SCARF2: variants seen among roughly 807,000 people sequenced by gnomAD.
SCARF2 encodes the protein scavenger receptor class F member 2, also known as scavenger receptor expressed by endothelial cells 2 protein.
A neutral mutation model predicts 73.4 loss-of-function variants in SCARF2; 39 were observed. The ratio of observed to expected loss-of-function variants is 0.53; its 90% CI spans 0.41 to 0.69. SCARF2 has a LOEUF of 0.69. SCARF2 is among the 30% of genes least tolerant of loss of function. The pLI is 0.00. For synonymous variants in SCARF2, 605 were observed against 590.0 expected, an observed-to-expected ratio of 1.03 and a Z score of -0.37; for missense variants, 1,148 against 1,303.5, an observed-to-expected ratio of 0.88 and a Z score of 1.84.
At position 20,425,786 on chromosome 22, in the gene SCARF2, C is replaced by T; in HGVS notation, c.2190G>A (p.Ala730=). The stretch of plus-strand genomic sequence containing the variant: ...GCGGCGAGGGCGCAGCGAGGGCTGT[C>T]GCCTCCTCGGGCAGCCCGGGGGGCC... The part of the protein sequence containing the change: ...TPRPPGLPEE[A]TALAAPSPPR... The change falls in exon 11 of 11, where the codon GCG becomes GCA. Residue 730 remains alanine (A), a synonymous_variant. Transcript: ENST00000622235. This position sits in a 1 kb window ranked among gnomAD's most constrained non-coding sequence, Gnocchi z 4.6. 1 of 1,432,478 alleles carries T rather than the reference C, an allele frequency of 7.0e-7. No individual in the cohort carries two copies. Among genetic ancestry groups the T allele is most frequent in the Non-Finnish European group, 9.1e-7 (1 of 1,096,640 alleles). 88.7% of individuals were successfully genotyped at this position (1,432,478 alleles called of 1,614,324 possible).
rs1352044854 is a variant in SCARF2, at chr22:20,425,872, T to A, written c.2104A>T (p.Ser702Cys). The change falls in exon 11 of 11, where the codon AGC becomes TGC. Residue 702 changes from serine to cysteine, a missense_variant. Ser to Cys is a moderately radical substitution (Grantham distance 112). Transcript: ENST00000622235. This position sits in a 1 kb window ranked among gnomAD's most constrained non-coding sequence, Gnocchi z 4.6. ...PSPSKRKRTPSDKSAHTVEHG... is the reference protein window; with the variant it reads ...PSPSKRKRTPCDKSAHTVEHG... The stretch of plus-strand genomic sequence containing the variant: ...TCGACCGTATGCGCCGATTTGTCGC[T>A]GGGCGTCCGTTTCCTCTTGCTGGGG... 9 of 1,596,958 alleles carry A rather than the reference T, an allele frequency of 5.6e-6. No individual in the cohort carries two copies. In the African/African-American group the frequency reaches 1.1e-4, roughly 20 times the overall value.
In SCARF2 at chr22:20,430,680, G is replaced by A. The variant is rs952060011; in HGVS notation, c.1073+10C>T. On this transcript the variant is annotated intron_variant, in intron 5 of 10. Coordinates refer to ENST00000622235, the MANE Select transcript of SCARF2 (RefSeq NM_182895.5). ...TGCGTGTCTGGGCCGACGCAGGCAG[G>A]GCTGCTCACCGGTCGCCGATCCAGC... 1 of 1,597,198 alleles carries A rather than the reference G, an allele frequency of 6.3e-7. No individual in the cohort carries two copies. Among genetic ancestry groups the A allele is most frequent in the Non-Finnish European group, 8.5e-7 (1 of 1,172,700 alleles).
chr22:20,429,410 G>A lies in SCARF2; in HGVS notation c.1425-70C>T. 2 of 1,556,320 alleles carry A rather than the reference G, an allele frequency of 1.3e-6. No homozygotes were observed. The highest frequency in any genetic ancestry group is 1.4e-5 in the African/African-American group (1 of 73,522). On this transcript the variant is annotated intron_variant, in intron 8 of 10. Transcript: ENST00000622235. This position sits in a 1 kb window ranked among gnomAD's most constrained non-coding sequence, Gnocchi z 5.2. ...CCCAGGGGCGATTAGATCTCGGCCG[G>A]AGCCAAGCACAGAAGGGGCGGGGCC...
In SCARF2 at chr22:20,425,869, C is replaced by T. The variant is rs377261829; in HGVS notation, c.2107G>A (p.Asp703Asn). 5.4e-5 allele frequency: 86 copies of T among 1,596,532 alleles called. No individual in the cohort carries two copies. Among genetic ancestry groups the T allele is most frequent in the Admixed American group, 3.4e-5 (2 of 59,092 alleles). ...SPSKRKRTPS[D>N]KSAHTVEHGS... ...TGTTCGACCGTATGCGCCGATTTGT[C>T]GCTGGGCGTCCGTTTCCTCTTGCTG... Residue 703 changes from aspartate (D) to asparagine (N), a missense_variant, in exon 11 of 11, where the codon GAC (aspartate) becomes AAC (asparagine). Asp to Asn is a conservative substitution (Grantham distance 23). Around this residue, in one of 5 missense-constraint regions of SCARF2, gnomAD observed 437 missense variants for 433.6 expected, o/e 1.01. Transcript: ENST00000622235. The surrounding 1 kb of genome is among the most constrained non-coding windows in gnomAD (Gnocchi z 4.6).
At chr22:20,432,257 AG>A (rs1353597697) in intron 1 of SCARF2, among the ~76,000 whole-genome samples, 1 of 152,158 alleles carries the variant, frequency 6.6e-6, no homozygotes, top group Non-Finnish European at 1.5e-5. Flanking sequence ...ATTAGGCCTG[AG>A]AAAAGTGGCC....
Position 20,430,775 on chromosome 22 carries a change from G to T in SCARF2, c.988C>A (p.Arg330Ser). 2 of 1,606,232 alleles carry T rather than the reference G, an allele frequency of 1.2e-6. No individual in the cohort carries two copies. The change falls in exon 5 of 11, where the codon CGC (arginine) becomes AGC (serine). Residue 330 changes from arginine to serine, a missense_variant. Transcript: ENST00000622235. The part of the protein sequence containing the change: ...TGFYGEGCSH[R>S]CPPCRDGHAC... ...TGCCCGTCGCGGCATGGCGGACAGC[G>T]GTGGCTGCAGCCCTCGCCATAGAAA...
At chr22:20,430,616 C>G in intron 5 of SCARF2, 59 bp from the exon 6 acceptor site, 6 of 1,608,924 alleles carry the variant, frequency 3.7e-6, no homozygotes, top group Middle Eastern at 1.7e-4. Context: ...ACAGCGCCCT[C>G]GACATTGGGG....
chr22:20,436,436 C>CGG (rs2052699839), intron 1 of SCARF2, among the ~76,000 whole-genome samples: 1 of 151,920 alleles, frequency 6.6e-6, no homozygotes, highest in Non-Finnish European at 1.5e-5. Flanking sequence ...CCCGGGAGTC[C>CGG]GCGGCGGCGG....
intron 4 of SCARF2, 36 bp from the exon 5 acceptor site, chr22:20,430,944 C>T (rs2052637962): frequency 1.9e-6 from 3 of 1,561,260 alleles, no homozygotes; most frequent in Non-Finnish European, 2.6e-6. Context: ...AAGGCTGGGA[C>T]CCGCCTCACC....
At chr22:20,430,974 C>T (rs1352760070) in intron 4 of SCARF2, 44 bp downstream of exon 4, 3 of 1,565,108 alleles carry the variant, frequency 1.9e-6, no homozygotes, top group East Asian at 2.4e-5. Flanking sequence ...ATCGGCGGCC[C>T]GCCCTTCCAC....
Position 20,425,346 on chromosome 22 carries a change from GGAGCTGCGCGCGGAC to G in SCARF2, c.*14_*28del, listed in dbSNP as rs772504617. 2 of 1,362,786 alleles carry G rather than the reference GGAGCTGCGCGCGGAC, an allele frequency of 1.5e-6. No homozygotes were observed. Among genetic ancestry groups the G allele is most frequent in the East Asian group, 6.1e-5 (2 of 32,732 alleles). The allele number at this position is 1,362,786 out of a possible 1,614,324, so 84.4% of individuals were successfully genotyped here. A position where few individuals can be genotyped will look rare whatever the true frequency, so the allele number is the denominator to read the frequency against. On this transcript the variant is annotated 3_prime_UTR_variant, in exon 11 of 11. Coordinates refer to ENST00000622235, the MANE Select transcript of SCARF2 (RefSeq NM_182895.5). The surrounding 1 kb of genome is among the most constrained non-coding windows in gnomAD (Gnocchi z 4.6). ...TGGCGGGCGGCGCTGCGAAGCTGAG[GGAGCTGCGCGCGGAC>G]GAGCCACAGCCTGCTACAGGGTGGG... is the stretch of plus-strand genomic sequence containing the variant.
rs35216297 is a variant in SCARF2, at chr22:20,429,815, C to A, written c.1221G>T (p.Pro407=). The A allele has an allele frequency of 3.1e-6, 5 of 1,612,958 alleles. No individual in the cohort carries two copies. The African/African-American group carries it at 5.3e-5, about 17-fold the overall frequency. The change falls in exon 7 of 11, where the codon CCG becomes CCT. Residue 407 remains proline, a synonymous_variant. Transcript: ENST00000622235. This position sits in a 1 kb window ranked among gnomAD's most constrained non-coding sequence, Gnocchi z 5.2. The stretch of plus-strand genomic sequence containing the variant: ...CACAGTCCGCGCCGTGGAGTCCGGG[C>A]GGGCACGTCACGTTACAGCTGCCGG... ...VHGPHCNVTC[P]PGLHGADCAQ... is the part of the protein sequence containing the mutation.
rs1308805563 is a variant in SCARF2, at chr22:20,426,008, TGGC to T, written c.1965_1967del (p.Pro657del). 4 of 1,582,280 alleles carry T rather than the reference TGGC, an allele frequency of 2.5e-6. No individual in the cohort carries two copies. The African/African-American group carries it at 4.2e-5, about 17-fold the overall frequency. Reference sequence around the variant, plus strand: ...CCTTAGGCTTGGTGGCGGGGTCAGGTGGCGGCGGTTTCCTGCGCTCGGGCGATG... The same window carrying T: ...CCTTAGGCTTGGTGGCGGGGTCAGGTGGCGGTTTCCTGCGCTCGGGCGATG... On this transcript the variant is annotated inframe_deletion, in exon 11 of 11. Transcript: ENST00000622235.
chr22:20,432,081 C>T, intron 1 of SCARF2, 93 bp from the exon 2 acceptor site: 1 of 1,314,952 alleles, frequency 7.6e-7, no homozygotes, highest in African/African-American at 1.4e-5. Context: ...AGCCTCCCTG[C>T]CTCTGCAGTT....
chr22:20,431,210 G>T lies in SCARF2; in HGVS notation c.662C>A (p.Pro221His). The change falls in exon 4 of 11, where the codon CCC becomes CAC. Residue 221 changes from proline to histidine, a missense_variant. Physicochemically the swap from Pro to His is moderately conservative, Grantham distance 77. Coordinates refer to ENST00000622235, the MANE Select transcript of SCARF2 (RefSeq NM_182895.5). ...ACAGCGGCCGCTCTGCTGCTCGCAGGGAGACGAGTTGCAGGCGCACTGGTT... is the reference window on the plus strand; with the variant it reads ...ACAGCGGCCGCTCTGCTGCTCGCAGTGAGACGAGTTGCAGGCGCACTGGTT... ...CNNQCACNSSPCEQQSGRCQC... is the reference protein window; with the variant it reads ...CNNQCACNSSHCEQQSGRCQC... The T allele has an allele frequency of 6.4e-7, 1 of 1,561,988 alleles. No individual in the cohort carries two copies. Among genetic ancestry groups the T allele is most frequent in the Non-Finnish European group, 8.6e-7 (1 of 1,162,392 alleles).
intron 10 of SCARF2, 136 bp from the exon 11 acceptor site, chr22:20,426,418 G>T: frequency 1.1e-6 from 1 of 926,694 alleles, no homozygotes; most frequent in African/African-American, 1.7e-5. Flanking sequence ...AGACGTGCCT[G>T]GCACAGAGCA....
chr22:20,433,045 C>T (rs57291235), intron 1 of SCARF2, among the ~76,000 whole-genome samples: 4,176 of 152,254 alleles, frequency 0.027, 198 homozygotes, highest in African/African-American at 0.095. Flanking sequence ...TCCACTTGTT[C>T]CATTTGATTT....
Position 20,426,289 on chromosome 22 carries a change from A to C in SCARF2, c.1694-7T>G. ...CGGCTCTCCGCTGGTGCCTCTGGCAAGGGAAGAGCAGGGCGGTCACAGCCT... is the reference window on the plus strand; with the variant it reads ...CGGCTCTCCGCTGGTGCCTCTGGCACGGGAAGAGCAGGGCGGTCACAGCCT... On this transcript the variant is annotated splice_region_variant and splice_polypyrimidine_tract_variant and intron_variant, in intron 10 of 10. Transcript: ENST00000622235. 1.3e-6 allele frequency: 2 copies of C among 1,532,962 alleles called. No homozygotes were observed. The highest frequency in any genetic ancestry group is 1.7e-6 in the Non-Finnish European group (2 of 1,146,280). The allele number at this position is 1,532,962 out of a possible 1,614,324, so 95.0% of individuals were successfully genotyped here. A position where few individuals can be genotyped will look rare whatever the true frequency, so the allele number is the denominator to read the frequency against.
intron 1 of SCARF2, among the ~76,000 whole-genome samples, chr22:20,437,216 T>TATA (rs2146141791): frequency 6.6e-6 from 1 of 152,350 alleles, no homozygotes; most frequent in Non-Finnish European, 1.5e-5. Context: ...AGTGCGGGGC[T>TATA]TTAGCACATG....
Sources: gnomAD v4.1 joint callset for allele counts (sites outside exome capture counted in the v4.1 genomes callset) on GRCh38, gnomAD v4.1.1 for gene constraint, gnomAD v4.1.1 regional missense constraint, Gnocchi (gnomAD v3.1) non-coding constraint, MANE v1.5 for transcripts, NCBI Gene and HGNC (gene_info 2026-07-23, HGNC 2026-07-21) for gene names.